Variants in TBC1D22A observed in about 807,000 individuals in gnomAD.
The protein encoded by TBC1D22A is TBC1 domain family member 22A.
A neutral mutation model predicts 60.2 loss-of-function variants in TBC1D22A; 38 were observed. The ratio of observed to expected loss-of-function variants is 0.63; its 90% CI spans 0.49 to 0.83. The LOEUF (loss-of-function observed/expected upper bound fraction) is 0.83. TBC1D22A is among the 40% of genes least tolerant of loss of function. The probability of loss-of-function intolerance (pLI) is 0.00; values close to 1 mark genes in which losing one functional copy is unlikely to be tolerated. For missense variants in TBC1D22A, 628 were observed against 701.0 expected (o/e 0.90, Z 1.18); for synonymous variants, 302 against 281.7 (o/e 1.07, Z -0.72).
intron 1 of TBC1D22A, among the ~76,000 whole-genome samples, chr22:46,788,001 A>T (rs2084237488): frequency 7.3e-6 from 1 of 136,176 alleles, no homozygotes; most frequent in African/African-American, 2.8e-5. Context: ...CAGGGGCGTG[A>T]TCTCGGCTCA....
intron 4 of TBC1D22A, among the ~76,000 whole-genome samples, chr22:46,824,577 A>C (rs915426468): frequency 6.6e-6 from 1 of 152,144 alleles, no homozygotes; most frequent in African/African-American, 2.4e-5. Context: ...AAGCCAGTGG[A>C]AGGTTTGAGC....
intron 11 of TBC1D22A, among the ~76,000 whole-genome samples, chr22:47,052,702 C>T (rs1461850558): frequency 1.3e-5 from 2 of 152,196 alleles, no homozygotes; most frequent in Non-Finnish European, 2.9e-5. Context: ...GGACTCCTGT[C>T]GGCCACACAC....
At chr22:46,920,987 T>G (rs2070725061) in intron 8 of TBC1D22A, among the ~76,000 whole-genome samples, 1 of 152,042 alleles carries the variant, frequency 6.6e-6, no homozygotes, top group Non-Finnish European at 1.5e-5. Flanking sequence ...GCCAGGCTGG[T>G]CTCGAACTCC....
intron 4 of TBC1D22A, among the ~76,000 whole-genome samples, chr22:46,799,364 A>AT (rs1213112125): frequency 6.6e-6 from 1 of 152,088 alleles, no homozygotes; most frequent in East Asian, 1.9e-4. Flanking sequence ...TTCCTGAACC[A>AT]TTTGAGAGTC....
intron 4 of TBC1D22A, among the ~76,000 whole-genome samples, chr22:46,861,738 G>A (rs1051130505): frequency 6.6e-6 from 1 of 152,226 alleles, no homozygotes; most frequent in Non-Finnish European, 1.5e-5. Context: ...TGTGTATCCC[G>A]GCCGCACTGG....
intron 11 of TBC1D22A, among the ~76,000 whole-genome samples, chr22:47,109,481 G>T (rs1279849687): frequency 6.6e-6 from 1 of 152,140 alleles, no homozygotes; most frequent in Non-Finnish European, 1.5e-5. Context: ...CAGCTCGCTG[G>T]TCATTCCTGT....
intron 4 of TBC1D22A, among the ~76,000 whole-genome samples, chr22:46,821,897 T>G (rs544046276): frequency 3.6e-4 from 55 of 152,284 alleles, no homozygotes; most frequent in African/African-American, 1.1e-3. Context: ...TTCGGTCATT[T>G]TATGAAGTCT....
intron 4 of TBC1D22A, among the ~76,000 whole-genome samples, chr22:46,878,322 GGA>G (rs1569164001): frequency 1.2e-4 from 11 of 89,854 alleles, no homozygotes; most frequent in African/African-American, 1.8e-4. Flanking sequence ...GAGGTGGGAG[GGA>G]GAGAGAGAAG....
chr22:46,916,792 G>GTAAA (rs1398596725), intron 8 of TBC1D22A, among the ~76,000 whole-genome samples: 1 of 152,252 alleles, frequency 6.6e-6, no homozygotes, highest in African/African-American at 2.4e-5. Flanking sequence ...GTGAAGTCCA[G>GTAAA]TAAATACAGC....
chr22:46,784,368 A>G (rs2084070852), intron 1 of TBC1D22A, among the ~76,000 whole-genome samples: 1 of 152,200 alleles, frequency 6.6e-6, no homozygotes, highest in Non-Finnish European at 1.5e-5. Flanking sequence ...GCTGGTTAAT[A>G]TACTTTTTTA....
In TBC1D22A at chr22:47,173,526, C is replaced by G; in HGVS notation, c.1454C>G (p.Pro485Arg). 6.2e-7 allele frequency: 1 copy of G among 1,614,180 alleles called. No individual in the cohort carries two copies. ...CTGCTGCTCTTCCTCCAGAACCTGCCCACAGCCCACTGGGATGATGAGGAC... is the reference window on the plus strand; with the variant it reads ...CTGCTGCTCTTCCTCCAGAACCTGCGCACAGCCCACTGGGATGATGAGGAC... ...QELLLFLQNL[P>R]TAHWDDEDIS... is the part of the protein sequence containing the mutation. Residue 485 changes from proline to arginine, a missense_variant, in exon 13 of 13, where the codon CCC (proline) becomes CGC (arginine). Pro to Arg is a moderately radical substitution (Grantham distance 103). Transcript: ENST00000337137.
intron 4 of TBC1D22A, among the ~76,000 whole-genome samples, chr22:46,872,574 A>T (rs1247423913): frequency 6.6e-6 from 1 of 152,216 alleles, no homozygotes; most frequent in Non-Finnish European, 1.5e-5. Flanking sequence ...ACCCTGTGAG[A>T]TAGGAGATAA....
chr22:47,014,432 C>A (rs114054319), intron 10 of TBC1D22A, among the ~76,000 whole-genome samples: 8 of 152,172 alleles, frequency 5.3e-5, no homozygotes, highest in Non-Finnish European at 1.2e-4. Context: ...CATCAGTCCC[C>A]GCTGGACATG....
chr22:47,088,175 G>A (rs566130147), intron 11 of TBC1D22A, among the ~76,000 whole-genome samples: 7 of 152,208 alleles, frequency 4.6e-5, no homozygotes, highest in African/African-American at 1.7e-4. Context: ...TTCTGGCTGT[G>A]ACCACTGAAA....
chr22:46,867,270 T>C (rs948374335), intron 4 of TBC1D22A, among the ~76,000 whole-genome samples: 3 of 152,234 alleles, frequency 2.0e-5, no homozygotes, highest in Non-Finnish European at 2.9e-5. Flanking sequence ...TATATGCTGC[T>C]GCCAGTGCTT....
At chr22:47,043,577 A>G (rs2062921911) in intron 11 of TBC1D22A, among the ~76,000 whole-genome samples, 1 of 152,142 alleles carries the variant, frequency 6.6e-6, no homozygotes, top group African/African-American at 2.4e-5. Flanking sequence ...AGGTGTGCTG[A>G]GGACGTAGGG....
rs532093660 is a variant in TBC1D22A at position 46,829,048 on chromosome 22, C to G, written c.637+31428C>G. Among the ~76,000 whole-genome samples, 3 of 152,292 alleles carry G rather than the reference C, an allele frequency of 2.0e-5. No individual in the cohort carries two copies. The East Asian group carries it at 5.8e-4, about 29-fold the overall frequency. ...CTGGGATGAGAGCCCAGATGTGTCC[C>G]CCACCCCCTCCACATTTCTGCTGGT... is the stretch of plus-strand genomic sequence containing the variant. On this transcript the variant is annotated intron_variant, in intron 4 of 12. Transcript: ENST00000337137.
At chr22:47,099,585 A>G (rs2065328674) in intron 11 of TBC1D22A, among the ~76,000 whole-genome samples, 1 of 151,958 alleles carries the variant, frequency 6.6e-6, no homozygotes, top group African/African-American at 2.4e-5. Context: ...AGCTGGGACT[A>G]CAGGCATGTG....
At chr22:46,857,250 T>C (rs1399141704) in intron 4 of TBC1D22A, among the ~76,000 whole-genome samples, 1 of 152,200 alleles carries the variant, frequency 6.6e-6, no homozygotes, top group Non-Finnish European at 1.5e-5. Flanking sequence ...CTGGGAGAGC[T>C]CTCTTTGCTC....
Sources: allele counts gnomAD v4.1 joint callset (sites outside exome capture counted in the v4.1 genomes callset), GRCh38; gene constraint gnomAD v4.1.1; transcripts MANE v1.5; gene names NCBI Gene and HGNC (gene_info 2026-07-23, HGNC 2026-07-21).